Variants in TAF3 observed in about 807,000 individuals in gnomAD.
TAF3 encodes the protein transcription initiation factor TFIID subunit 3.
TAF3 carries 7 observed loss-of-function variants against 80.6 expected under a neutral mutation model. The ratio of observed to expected loss-of-function variants is 0.09; its 90% CI spans 0.05 to 0.16. The LOEUF is 0.16. Ranked by LOEUF, TAF3 falls within the 10% of genes least tolerant of loss-of-function variation. The pLI, the probability that TAF3 is intolerant of heterozygous loss-of-function variation, is 1.00. For synonymous variants in TAF3, 444 were observed against 446.1 expected (o/e 1.00, Z 0.06); for missense variants, 921 against 1,140.2 (o/e 0.81, Z 2.77).
chr10:7,850,006 A>G (rs575719761), intron 2 of TAF3, among the ~76,000 whole-genome samples: 1 of 152,218 alleles, frequency 6.6e-6, no homozygotes, highest in African/African-American at 2.4e-5. Context: ...ATGTTAAAAA[A>G]TAGGGAATAT....
At chr10:7,947,165 G>T (rs549544605) in intron 2 of TAF3, among the ~76,000 whole-genome samples, 2 of 151,900 alleles carry the variant, frequency 1.3e-5, no homozygotes, top group Non-Finnish European at 2.9e-5. Flanking sequence ...CTCCTTCTCC[G>T]GCCCCTCTTC....
chr10:7,838,473 C>T (rs1314038006), intron 2 of TAF3, among the ~76,000 whole-genome samples: 2 of 152,092 alleles, frequency 1.3e-5, no homozygotes, highest in Admixed American at 6.6e-5. Context: ...CCTCTGCCTC[C>T]CGGGTTTGAG....
At chr10:7,897,276 A>C (rs1837513707) in intron 2 of TAF3, among the ~76,000 whole-genome samples, 1 of 152,160 alleles carries the variant, frequency 6.6e-6, no homozygotes. Flanking sequence ...GGTCACTTTT[A>C]TCATTCTGGC....
In TAF3 at chr10:7,964,130, T is replaced by C; in HGVS notation, c.620T>C (p.Val207Ala). 2 of 1,614,108 alleles carry C rather than the reference T, an allele frequency of 1.2e-6. No homozygotes were observed. The highest frequency in any genetic ancestry group is 1.7e-6 in the Non-Finnish European group (2 of 1,180,030). ...AGCACTAAAGGGGACACGCTAGATG[T>C]TGTGTTATTGGAAGCTCGAGAGCCA... ...LLSTKGDTLD[V>A]VLLEAREPLS... Residue 207 changes from valine (V) to alanine (A), a missense_variant, in exon 3 of 7, where the codon GTT becomes GCT. Val to Ala is a moderately conservative substitution (Grantham distance 64). Around this residue, in one of 6 missense-constraint regions of TAF3, gnomAD observed 743 missense variants for 821.0 expected, o/e 0.90. Transcript: ENST00000344293. This position sits in a 1 kb window ranked among gnomAD's most constrained non-coding sequence, Gnocchi z 4.1.
intron 4 of TAF3, among the ~76,000 whole-genome samples, chr10:7,988,571 T>TAAAAAAAAAA: frequency 4.5e-5 from 1 of 22,090 alleles, no homozygotes; most frequent in Non-Finnish European, 1.0e-4. Flanking sequence ...AGACCCTGTC[T>TAAAAAAAAAA]CAAAAAAAAA....
At chr10:7,944,441 T>C (rs1312395954) in intron 2 of TAF3, among the ~76,000 whole-genome samples, 1 of 152,212 alleles carries the variant, frequency 6.6e-6, no homozygotes, top group African/African-American at 2.4e-5. Flanking sequence ...TTACTTTTTA[T>C]TAAGAGAAAG....
chr10:7,837,590 C>G (rs903418074), intron 2 of TAF3, among the ~76,000 whole-genome samples: 41 of 152,322 alleles, frequency 2.7e-4, no homozygotes, highest in African/African-American at 9.6e-4. Flanking sequence ...TTGCAGTGAT[C>G]TGAGATTGCA....
chr10:7,915,215 C>T (rs886977822), intron 2 of TAF3, among the ~76,000 whole-genome samples: 9 of 150,994 alleles, frequency 6.0e-5, no homozygotes, highest in African/African-American at 2.2e-4. Flanking sequence ...GCTGGGATTA[C>T]GGGCAGGGCA....
At chr10:7,953,442 A>G (rs1047177521) in intron 2 of TAF3, among the ~76,000 whole-genome samples, 8 of 152,150 alleles carry the variant, frequency 5.3e-5, no homozygotes, top group Admixed American at 1.3e-4. Flanking sequence ...AAAGATCTTC[A>G]TCTCTTGGAG....
chr10:7,927,341 C>A (rs1837825683), intron 2 of TAF3, among the ~76,000 whole-genome samples: 1 of 152,234 alleles, frequency 6.6e-6, no homozygotes, highest in Non-Finnish European at 1.5e-5. Context: ...TTCTGAACAT[C>A]TTCCAACATG....
chr10:7,931,120 T>TAAA (rs1343509878), intron 2 of TAF3, among the ~76,000 whole-genome samples: 1 of 152,208 alleles, frequency 6.6e-6, no homozygotes, highest in Non-Finnish European at 1.5e-5. Flanking sequence ...TATTTAGATA[T>TAAA]TATACTTGAT....
At chr10:7,994,991 A>AG (rs1446325303) in intron 4 of TAF3, among the ~76,000 whole-genome samples, 5 of 151,224 alleles carry the variant, frequency 3.3e-5, no homozygotes, top group African/African-American at 1.2e-4. Context: ...AAAAAAAAAA[A>AG]AAAAGAAAAA....
chr10:7,936,367 C>T (rs188448492), intron 2 of TAF3, among the ~76,000 whole-genome samples: 9 of 152,024 alleles, frequency 5.9e-5, no homozygotes, highest in East Asian at 1.9e-4. Flanking sequence ...GGAGATAAGA[C>T]GGGGATTTCT....
chr10:7,872,471 G>A (rs1009589382), intron 2 of TAF3, among the ~76,000 whole-genome samples: 3 of 152,022 alleles, frequency 2.0e-5, no homozygotes, highest in African/African-American at 7.2e-5. Flanking sequence ...TCAGCACTAA[G>A]CAATATTGTA....
At chr10:7,998,901 G>T (rs1276230582) in intron 4 of TAF3, among the ~76,000 whole-genome samples, 1 of 151,960 alleles carries the variant, frequency 6.6e-6, no homozygotes, top group African/African-American at 2.4e-5. Flanking sequence ...CTGGAAAAGA[G>T]TCAGGTAAGG....
chr10:7,967,486 A>T (rs1438774379), intron 3 of TAF3, among the ~76,000 whole-genome samples: 1 of 152,246 alleles, frequency 6.6e-6, no homozygotes, highest in East Asian at 1.9e-4. Flanking sequence ...CGAAGCACAG[A>T]GTCCACCTGA....
At chr10:7,998,467 G>C (rs1831911895) in intron 4 of TAF3, among the ~76,000 whole-genome samples, 1 of 151,974 alleles carries the variant, frequency 6.6e-6, no homozygotes, top group Admixed American at 6.6e-5. Context: ...TCAACAATCT[G>C]TTTCTATCTG....
intron 4 of TAF3, among the ~76,000 whole-genome samples, chr10:8,002,196 C>T (rs1434682215): frequency 1.3e-5 from 2 of 152,140 alleles, no homozygotes; most frequent in Non-Finnish European, 2.9e-5. Flanking sequence ...CAACTGAAAA[C>T]GCCTGGGTTG....
intron 2 of TAF3, among the ~76,000 whole-genome samples, chr10:7,897,236 C>G (rs928674255): frequency 6.6e-6 from 1 of 152,206 alleles, no homozygotes; most frequent in Non-Finnish European, 1.5e-5. Context: ...CCAAAGAGGA[C>G]GGGATCACAC....
Sources: gnomAD v4.1 joint callset for allele counts (sites outside exome capture counted in the v4.1 genomes callset) on GRCh38, gnomAD v4.1.1 for gene constraint, gnomAD v4.1.1 regional missense constraint, Gnocchi (gnomAD v3.1) non-coding constraint, MANE v1.5 for transcripts, NCBI Gene and HGNC (gene_info 2026-07-23, HGNC 2026-07-21) for gene names.